The following FAM107B variants were observed in gnomAD, a reference collection of about 807,000 sequenced individuals.
The protein encoded by FAM107B is family with sequence similarity 107 member B, also known as protein FAM107B.
FAM107B carries 21 observed loss-of-function variants against 31.5 expected under a neutral mutation model. That is an observed-to-expected ratio of 0.67 (90% CI 0.47 to 0.96). FAM107B has a LOEUF of 0.96. FAM107B is among the 40% of genes least tolerant of loss of function. FAM107B has a pLI of 0.00. For missense variants in FAM107B, 452 were observed against 377.1 expected, an observed-to-expected ratio of 1.20 and a Z score of -1.64; for synonymous variants, 157 against 141.5, an observed-to-expected ratio of 1.11 and a Z score of -0.78.
chr10:14,588,162 T>C (rs1851904089), intron 2 of FAM107B, among the ~76,000 whole-genome samples: 2 of 152,036 alleles, frequency 1.3e-5, no homozygotes, highest in African/African-American at 2.4e-5. Context: ...AGCCATGTGC[T>C]CACGTCCACC....
intron 1 of FAM107B, among the ~76,000 whole-genome samples, chr10:14,670,288 G>A (rs1247537145): frequency 2.0e-5 from 3 of 152,122 alleles, no homozygotes; most frequent in African/African-American, 7.2e-5. Context: ...AAGCAATTTG[G>A]GTAAATAAGG....
In FAM107B at chr10:14,774,280, G is replaced by C. The variant is rs968870961; in HGVS notation, c.384C>G (p.Pro128=). ...TGGGCGTGTCAATAATTGATGGTCT[G>C]GGGATGGAAGCGTGAAACACCACTG... ...CEAVVFHASI[P]RPSIIDTPKE... The change falls in exon 1 of 5, where the codon CCC becomes CCG. Residue 128 remains proline, a synonymous_variant. Transcript: ENST00000181796. 1.9e-6 allele frequency: 3 copies of C among 1,613,082 alleles called. No individual in the cohort carries two copies. The African/African-American group carries it at 4.0e-5, about 22-fold the overall frequency.
chr10:14,612,437 T>G (rs964031648), intron 2 of FAM107B: 1 of 152,230 alleles, frequency 6.6e-6, no homozygotes, highest in Admixed American at 6.5e-5. Flanking sequence ...CTTGTTCGTC[T>G]CTCAGTTGCC....
At chr10:14,739,153 G>C (rs1379923900) in intron 1 of FAM107B, among the ~76,000 whole-genome samples, 1 of 152,200 alleles carries the variant, frequency 6.6e-6, no homozygotes, top group African/African-American at 2.4e-5. Flanking sequence ...TCCAGAAGTA[G>C]AACAACGTTC....
chr10:14,612,707 G>T (rs149062374), intron 2 of FAM107B, among the ~76,000 whole-genome samples: 2 of 152,198 alleles, frequency 1.3e-5, no homozygotes, highest in Non-Finnish European at 2.9e-5. Flanking sequence ...AACTGTCCTT[G>T]TCTTTGACAG....
chr10:14,673,258 A>G (rs540506902), intron 1 of FAM107B, among the ~76,000 whole-genome samples: 1 of 152,206 alleles, frequency 6.6e-6, no homozygotes, highest in South Asian at 2.1e-4. Flanking sequence ...GTAATTTTGT[A>G]CTCATTAACC....
chr10:14,768,386 G>A (rs780720712), intron 1 of FAM107B, among the ~76,000 whole-genome samples: 23 of 152,310 alleles, frequency 1.5e-4, no homozygotes, highest in Middle Eastern at 3.4e-3. Context: ...CACACTTTGA[G>A]ATTTCAAAGT....
chr10:14,655,411 C>T (rs1226482673), intron 2 of FAM107B, among the ~76,000 whole-genome samples: 1 of 152,156 alleles, frequency 6.6e-6, no homozygotes, highest in Non-Finnish European at 1.5e-5. Flanking sequence ...ATCTCAGCCT[C>T]ACAAATATTT....
chr10:14,762,801 C>CACAAAA (rs1554757454), intron 1 of FAM107B, among the ~76,000 whole-genome samples: 1 of 141,140 alleles, frequency 7.1e-6, no homozygotes, highest in African/African-American at 2.6e-5. Context: ...CACACACACA[C>CACAAAA]AAAAAGAACA....
chr10:14,601,094 C>A (rs1852382129), intron 2 of FAM107B, among the ~76,000 whole-genome samples: 1 of 152,214 alleles, frequency 6.6e-6, no homozygotes, highest in African/African-American at 2.4e-5. Flanking sequence ...TCCTCACCTG[C>A]CTTATAGTCT....
intron 2 of FAM107B, among the ~76,000 whole-genome samples, chr10:14,548,836 G>GCA (rs1383876312): frequency 2.5e-4 from 2 of 8,118 alleles, no homozygotes; most frequent in Admixed American, 4.9e-3. Flanking sequence ...GCACACACAC[G>GCA]CACACACACA....
chr10:14,737,943 T>C (rs1161065235), intron 1 of FAM107B, among the ~76,000 whole-genome samples: 1 of 152,140 alleles, frequency 6.6e-6, no homozygotes, highest in African/African-American at 2.4e-5. Context: ...CATGTATTCA[T>C]GGATAAAAAC....
Position 14,520,853 on chromosome 10 carries a change from G to T in FAM107B, c.*337C>A, listed in dbSNP as rs1053853131. On this transcript the variant is annotated 3_prime_UTR_variant, in exon 5 of 5. Transcript: ENST00000181796. ...GGGTCCCACGAAACTTGGAATGGAA[G>T]AAAAACCAAGTAGTGCAACTCTCAA... 8.7e-6 allele frequency: 2 copies of T among 228,926 alleles called. No homozygotes were observed. Among genetic ancestry groups the T allele is most frequent in the African/African-American group, 4.5e-5 (2 of 44,346 alleles). 14.2% of individuals were successfully genotyped at this position (228,926 alleles called of 1,614,324 possible).
chr10:14,604,158 A>C, intron 2 of FAM107B: 1 of 560,798 alleles, frequency 1.8e-6, no homozygotes, highest in Non-Finnish European at 2.2e-6. Context: ...GGGTCCCCGG[A>C]GCCGGGGTCG....
intron 2 of FAM107B, among the ~76,000 whole-genome samples, chr10:14,586,515 G>A (rs1851844554): frequency 6.6e-6 from 1 of 152,054 alleles, no homozygotes; most frequent in African/African-American, 2.4e-5. Flanking sequence ...CATAGAAGTG[G>A]AGCCCTCATG....
intron 2 of FAM107B, among the ~76,000 whole-genome samples, chr10:14,648,260 G>C (rs776786455): frequency 1.3e-5 from 2 of 152,136 alleles, no homozygotes; most frequent in Non-Finnish European, 2.9e-5. Context: ...TAGTAAAACC[G>C]AACTGCTGGG....
intron 2 of FAM107B, among the ~76,000 whole-genome samples, chr10:14,611,828 A>G (rs770870361): frequency 5.9e-5 from 9 of 151,904 alleles, no homozygotes; most frequent in Non-Finnish European, 1.3e-4. Context: ...AAATATGTAT[A>G]AAAATATATA....
intron 2 of FAM107B, chr10:14,548,534 G>A (rs1434736356): frequency 1.0e-6 from 1 of 985,492 alleles, no homozygotes; most frequent in Middle Eastern, 5.2e-4. Flanking sequence ...GGAGGTGGCA[G>A]GAGGAACCTG....
intron 2 of FAM107B, among the ~76,000 whole-genome samples, chr10:14,665,988 C>G (rs1306889410): frequency 1.3e-5 from 2 of 152,092 alleles, no homozygotes; most frequent in Non-Finnish European, 1.5e-5. Flanking sequence ...CCACTACAGA[C>G]AGTAAGAGAG....
Sources: allele counts gnomAD v4.1 joint callset (sites outside exome capture counted in the v4.1 genomes callset), GRCh38; gene constraint gnomAD v4.1.1; transcripts MANE v1.5; gene names NCBI Gene and HGNC (gene_info 2026-07-23, HGNC 2026-07-21).